The following ENTREP2 variants were observed in gnomAD, a reference collection of about 807,000 sequenced individuals.
ENTREP2 encodes protein ENTREP2.
At chr15:29,206,686 T>A in the ENTREP2 span, among the ~76,000 whole-genome samples, 1 of 152,108 alleles carries the variant, frequency 6.6e-6, no homozygotes, top group Non-Finnish European at 1.5e-5. Context: ...GGTATGTTTT[T>A]TTGAGGTGAT....
chr15:29,654,434 AC>A, the ENTREP2 span, among the ~76,000 whole-genome samples: 1 of 151,878 alleles, frequency 6.6e-6, no homozygotes, highest in Non-Finnish European at 1.5e-5. Context: ...AGTAGAACAT[AC>A]GCTTTGACAG....
chr15:29,356,272 A>G, the ENTREP2 span, among the ~76,000 whole-genome samples: 1,223 of 50,656 alleles, frequency 0.024, 15 homozygotes, highest in African/African-American at 0.041. Context: ...GTGTGTGTAT[A>G]TATATATATA....
chr15:29,234,515 G>T, the ENTREP2 span: 1 of 1,401,974 alleles, frequency 7.1e-7, no homozygotes, highest in Non-Finnish European at 1.0e-6. Flanking sequence ...ACAACCAACG[G>T]CAAGGTAATA....
the ENTREP2 span, among the ~76,000 whole-genome samples, chr15:29,505,656 G>A: frequency 6.6e-6 from 1 of 152,212 alleles, no homozygotes; most frequent in Admixed American, 6.5e-5. This position sits in a 1 kb window ranked among gnomAD's most constrained non-coding sequence, Gnocchi z 4.3. Context: ...AAGACCTGAA[G>A]ATGAGGGGCC....
At chr15:29,232,643 C>T in the ENTREP2 span, among the ~76,000 whole-genome samples, 3 of 149,954 alleles carry the variant, frequency 2.0e-5, no homozygotes, top group Admixed American at 6.7e-5. Flanking sequence ...CAGGTATGCA[C>T]CACCACACCC....
At chr15:29,276,734 C>G in the ENTREP2 span, among the ~76,000 whole-genome samples, 5 of 152,238 alleles carry the variant, frequency 3.3e-5, no homozygotes, top group Non-Finnish European at 7.3e-5. Flanking sequence ...TAATGAATTA[C>G]TAAAGCATCT....
the ENTREP2 span, among the ~76,000 whole-genome samples, chr15:29,446,304 C>A: frequency 6.6e-6 from 1 of 152,208 alleles, no homozygotes; most frequent in Non-Finnish European, 1.5e-5. Flanking sequence ...TTTCCCAGAC[C>A]ACACTGGCTT....
the ENTREP2 span, among the ~76,000 whole-genome samples, chr15:29,651,872 G>T: frequency 1.4e-4 from 22 of 152,350 alleles, no homozygotes; most frequent in South Asian, 4.6e-3. Context: ...GGGCACCATG[G>T]ACAGCAGCAG....
At chr15:29,233,333 A>G in the ENTREP2 span, among the ~76,000 whole-genome samples, 1 of 152,228 alleles carries the variant, frequency 6.6e-6, no homozygotes, top group African/African-American at 2.4e-5. Flanking sequence ...CTGTGTTTAA[A>G]TAACTTATCC....
At chr15:29,342,089 T>C in the ENTREP2 span, among the ~76,000 whole-genome samples, 1 of 152,166 alleles carries the variant, frequency 6.6e-6, no homozygotes, top group Non-Finnish European at 1.5e-5. Flanking sequence ...ATTCCAACCC[T>C]TGGCCAGGCC....
At chr15:29,594,747 G>A in the ENTREP2 span, among the ~76,000 whole-genome samples, 1 of 152,102 alleles carries the variant, frequency 6.6e-6, no homozygotes, top group African/African-American at 2.4e-5. Flanking sequence ...CAAATCACTT[G>A]AGGTCAGGAA....
chr15:29,134,031 C>T, the ENTREP2 span, among the ~76,000 whole-genome samples: 2 of 152,138 alleles, frequency 1.3e-5, no homozygotes, highest in African/African-American at 4.8e-5. Flanking sequence ...CCAGCCTGAC[C>T]TCCCAGACCT....
At chr15:29,236,866 T>G in the ENTREP2 span, among the ~76,000 whole-genome samples, 4 of 149,328 alleles carry the variant, frequency 2.7e-5, no homozygotes, top group African/African-American at 9.9e-5. Context: ...CAGACAAAGA[T>G]AGTTGAAATA....
the ENTREP2 span, among the ~76,000 whole-genome samples, chr15:29,332,188 C>T: frequency 2.6e-5 from 4 of 152,012 alleles, no homozygotes; most frequent in Non-Finnish European, 5.9e-5. Context: ...AATTTCTCAT[C>T]GCATCCTCAA....
the ENTREP2 span, among the ~76,000 whole-genome samples, chr15:29,306,840 G>T: frequency 1.3e-5 from 2 of 151,842 alleles, no homozygotes; most frequent in African/African-American, 2.4e-5. Flanking sequence ...CCGCCTACCT[G>T]GTTCAAGTGG....
the ENTREP2 span, among the ~76,000 whole-genome samples, chr15:29,350,909 TC>T: frequency 6.6e-6 from 1 of 152,164 alleles, no homozygotes; most frequent in Non-Finnish European, 1.5e-5. Flanking sequence ...GCCACTGCAC[TC>T]CAGCCTGAGC....
chr15:29,647,860 T>A, the ENTREP2 span, among the ~76,000 whole-genome samples: 49 of 152,252 alleles, frequency 3.2e-4, no homozygotes, highest in African/African-American at 1.1e-3. Context: ...GGGACATGAT[T>A]TAGGAGGTGA....
chr15:29,336,331 A>C, the ENTREP2 span, among the ~76,000 whole-genome samples: 1 of 151,794 alleles, frequency 6.6e-6, no homozygotes, highest in Non-Finnish European at 1.5e-5. Context: ...TGTTGTTTTG[A>C]GACAGAGTCT....
the ENTREP2 span, among the ~76,000 whole-genome samples, chr15:29,226,376 T>A: frequency 5.8e-4 from 88 of 152,298 alleles, no homozygotes; most frequent in South Asian, 0.011. Flanking sequence ...CAAATTCACA[T>A]GAAGAAGAAT....
Sources: allele counts gnomAD v4.1 joint callset (sites outside exome capture counted in the v4.1 genomes callset), GRCh38; gene constraint gnomAD v4.1.1; non-coding constraint Gnocchi (gnomAD v3.1); transcripts MANE v1.5; gene names NCBI Gene and HGNC (gene_info 2026-07-23, HGNC 2026-07-21).